Variants in CHODL observed in about 807,000 individuals in gnomAD.
The protein encoded by CHODL is transmembrane protein MT75.
In CHODL, 29 loss-of-function variants were observed where a neutral mutation model predicts 34.5. The observed-to-expected ratio is 0.84, with a 90% confidence interval of 0.63 to 1.15. The LOEUF (loss-of-function observed/expected upper bound fraction) is 1.15, where lower values mean the gene tolerates loss of function less well. Ranked by LOEUF, CHODL falls within the 50% of genes most tolerant of loss-of-function variation. The pLI is 0.00. For missense variants in CHODL, 332 were observed against 332.5 expected, an observed-to-expected ratio of 1.00 and a Z score of 0.01; for synonymous variants, 125 against 116.1, an observed-to-expected ratio of 1.08 and a Z score of -0.49.
At chr21:18,191,646 T>C (rs7283834) in intron 2 of CHODL, among the ~76,000 whole-genome samples, 11,923 of 152,226 alleles carry the variant, frequency 0.078, 625 homozygotes, top group African/African-American at 0.14. Flanking sequence ...TTCATCACGT[T>C]GTTAGATTTT....
intron 1 of CHODL, among the ~76,000 whole-genome samples, chr21:17,999,170 C>T (rs1299529378): frequency 6.6e-6 from 1 of 152,192 alleles, no homozygotes; most frequent in Non-Finnish European, 1.5e-5. Context: ...AAAATGCCAC[C>T]AGTCTCTTTG....
intron 1 of CHODL, among the ~76,000 whole-genome samples, chr21:17,919,643 T>C (rs894004692): frequency 1.3e-5 from 2 of 152,066 alleles, no homozygotes; most frequent in Non-Finnish European, 1.5e-5. Context: ...CCTGGAGACA[T>C]TTTTCCCACT....
intron 2 of CHODL, among the ~76,000 whole-genome samples, chr21:18,048,535 T>G (rs1280366449): frequency 6.6e-6 from 1 of 151,730 alleles, no homozygotes; most frequent in African/African-American, 2.4e-5. Flanking sequence ...ATAATAAAGC[T>G]GAAAATATGT....
intron 1 of CHODL, among the ~76,000 whole-genome samples, chr21:17,994,314 A>T (rs2063826945): frequency 6.6e-6 from 1 of 152,158 alleles, no homozygotes; most frequent in South Asian, 2.1e-4. Flanking sequence ...GTGGGCTGCT[A>T]CTTAGGCCTT....
chr21:18,260,327 C>A, intron 4 of CHODL, 41 bp downstream of exon 4: 1 of 1,281,060 alleles, frequency 7.8e-7, no homozygotes, highest in Non-Finnish European at 1.1e-6. Context: ...AAGAACTGAA[C>A]TGTACTTTCA....
At chr21:18,203,474 A>G (rs914416899) in intron 2 of CHODL, among the ~76,000 whole-genome samples, 7 of 152,114 alleles carry the variant, frequency 4.6e-5, no homozygotes, top group Non-Finnish European at 8.8e-5. Context: ...AACATTATTA[A>G]TTTATAATTT....
In CHODL at chr21:18,256,806, A is replaced by C; in HGVS notation, c.377A>C (p.Asn126Thr). 1 of 1,613,446 alleles carries C rather than the reference A, an allele frequency of 6.2e-7. No individual in the cohort carries two copies. The highest frequency in any genetic ancestry group is 1.3e-5 in the African/African-American group (1 of 75,030). Residue 126 changes from asparagine (N) to threonine (T), a missense_variant, in exon 2 of 6, where the codon AAT becomes ACT. Asn to Thr is a moderately conservative substitution (Grantham distance 65, BLOSUM62 0). Transcript: ENST00000299295. The part of the protein sequence containing the change: ...PDLYQWSDGS[N>T]SQYRNWYTDE... Reference sequence around the variant, plus strand: ...CTCTACCAGTGGTCTGATGGAAGCAATTCCCAGTACCGGTGAGTATGGATC... The same window carrying C: ...CTCTACCAGTGGTCTGATGGAAGCACTTCCCAGTACCGGTGAGTATGGATC...
Position 18,026,775 on chromosome 21 carries a change from T to G in CHODL, c.-144-1097T>G, listed in dbSNP as rs564490371. 3.9e-3 allele frequency among the ~76,000 whole-genome samples: 593 copies of G among 152,322 alleles called. 2 individuals are homozygous for G. Among genetic ancestry groups the G allele is most frequent in the South Asian group, 0.021 (100 of 4,826 alleles). Reference sequence around the variant, plus strand: ...TGATTATCCTAAGTCGTTTCTGGAATGCTATGTGCACTGTAATGTGGAGGG... The same window carrying G: ...TGATTATCCTAAGTCGTTTCTGGAAGGCTATGTGCACTGTAATGTGGAGGG... On this transcript the variant is annotated intron_variant, in intron 1 of 6. Coordinates refer to the CHODL transcript ENST00000400127.
chr21:18,248,706 TATAATA>T (rs1568955332), intron 1 of CHODL, among the ~76,000 whole-genome samples: 41 of 118,532 alleles, frequency 3.5e-4, no homozygotes, highest in African/African-American at 1.5e-3. Flanking sequence ...TATATATGTA[TATAATA>T]TATACATATA....
intron 5 of CHODL, among the ~76,000 whole-genome samples, chr21:18,264,779 T>G (rs956494700): frequency 1.3e-5 from 2 of 151,934 alleles, no homozygotes; most frequent in Admixed American, 1.3e-4. Context: ...TGAAGTTGTA[T>G]CTCAAATCTG....
chr21:18,062,659 G>A (rs188933961), intron 2 of CHODL, among the ~76,000 whole-genome samples: 18 of 152,162 alleles, frequency 1.2e-4, no homozygotes, highest in African/African-American at 4.1e-4. Context: ...CCAGCTACTC[G>A]GGAGGCTGAG....
At chr21:18,097,924 G>A (rs1230863426) in intron 2 of CHODL, among the ~76,000 whole-genome samples, 1 of 152,030 alleles carries the variant, frequency 6.6e-6, no homozygotes, top group African/African-American at 2.4e-5. Flanking sequence ...CACACCTGCA[G>A]TAAATTAATT....
intron 1 of CHODL, among the ~76,000 whole-genome samples, chr21:18,002,940 G>A (rs1036980473): frequency 6.6e-6 from 1 of 151,892 alleles, no homozygotes; most frequent in East Asian, 1.9e-4. Context: ...GGGCTAACAC[G>A]GTGAAACCCC....
At chr21:17,970,082 T>C (rs1319869679) in intron 1 of CHODL, among the ~76,000 whole-genome samples, 1 of 152,170 alleles carries the variant, frequency 6.6e-6, no homozygotes, top group Non-Finnish European at 1.5e-5. Flanking sequence ...TCTCGTTTCT[T>C]TCTCACATTG....
intron 1 of CHODL, among the ~76,000 whole-genome samples, chr21:17,975,068 C>A (rs1048779745): frequency 2.0e-5 from 3 of 151,952 alleles, no homozygotes; most frequent in African/African-American, 7.3e-5. Flanking sequence ...TGGCTCATGC[C>A]TGTAATCCCA....
intron 2 of CHODL, among the ~76,000 whole-genome samples, chr21:18,135,509 C>T (rs2072711399): frequency 6.6e-6 from 1 of 152,188 alleles, no homozygotes; most frequent in African/African-American, 2.4e-5. Flanking sequence ...TGCCATATTT[C>T]TCACAACTTC....
At chr21:18,123,770 A>AT (rs974424206) in intron 2 of CHODL, among the ~76,000 whole-genome samples, 17 of 152,116 alleles carry the variant, frequency 1.1e-4, no homozygotes, top group East Asian at 3.9e-4. Context: ...TTGGCATGAA[A>AT]TTTTTTTTGT....
chr21:18,059,936 T>C (rs1258184523), intron 2 of CHODL, among the ~76,000 whole-genome samples: 2 of 152,118 alleles, frequency 1.3e-5, no homozygotes, highest in Non-Finnish European at 2.9e-5. Flanking sequence ...TCTTGACACC[T>C]CCCTCTTTTC....
At chr21:17,998,124 A>G (rs1227303279) in intron 1 of CHODL, among the ~76,000 whole-genome samples, 1 of 152,180 alleles carries the variant, frequency 6.6e-6, no homozygotes, top group Non-Finnish European at 1.5e-5. Context: ...AGCTGTTCCA[A>G]ATGGGAGAAA....
Sources: gnomAD v4.1 joint callset for allele counts (sites outside exome capture counted in the v4.1 genomes callset) on GRCh38, gnomAD v4.1.1 for gene constraint, MANE v1.5 for transcripts, NCBI Gene and HGNC (gene_info 2026-07-23, HGNC 2026-07-21) for gene names.